Variants in ELAPOR1 observed in about 807,000 individuals in gnomAD.
ELAPOR1 encodes the protein endosome/lysosome-associated apoptosis and autophagy regulator 1.
Under a neutral mutation model 119.7 loss-of-function variants are expected in ELAPOR1, and 77 were observed. The ratio of observed to expected loss-of-function variants is 0.64; its 90% CI spans 0.54 to 0.78. The LOEUF is 0.78. ELAPOR1 is among the 30% of genes least tolerant of loss of function. The pLI is 0.00. For synonymous variants in ELAPOR1, 481 were observed against 487.2 expected (o/e 0.99, Z 0.17); for missense variants, 1,115 against 1,270.4 (o/e 0.88, Z 1.86).
Position 109,194,599 on chromosome 1 carries a change from G to C in ELAPOR1, c.2121+5G>C, listed in dbSNP as rs1030082046. ...CTCAGTCTCTGTGGAAACCAGGTAA[G>C]GTATACCAGTTGACAGGGTGAAAAT... On this transcript the variant is annotated splice_donor_5th_base_variant and intron_variant, in intron 15 of 21. Transcript: ENST00000369939. The C allele has an allele frequency of 1.2e-6, 2 of 1,613,032 alleles. No individual in the cohort carries two copies. The highest frequency in any genetic ancestry group is 2.7e-5 in the African/African-American group (2 of 74,898).
chr1:109,124,302 T>C (rs600091), intron 1 of ELAPOR1, among the ~76,000 whole-genome samples: 17,600 of 151,960 alleles, frequency 0.12, 1,508 homozygotes, highest in African/African-American at 0.24. Context: ...GTCATCATGG[T>C]GCAGTATAAC....
At chr1:109,195,894 C>T (rs146510640) in intron 15 of ELAPOR1, among the ~76,000 whole-genome samples, 3 of 152,328 alleles carry the variant, frequency 2.0e-5, no homozygotes, top group East Asian at 3.9e-4. Context: ...TGGTGGCTCA[C>T]GCCTGTAATC....
chr1:109,200,641 G>A (rs1654110257), intron 20 of ELAPOR1, 94 bp from the exon 21 acceptor site: 1 of 1,201,462 alleles, frequency 8.3e-7, no homozygotes, highest in Non-Finnish European at 1.2e-6. Flanking sequence ...CCATGGCATG[G>A]GAATAGGACC....
At chr1:109,137,700 G>T (rs1488522109) in intron 1 of ELAPOR1, among the ~76,000 whole-genome samples, 1 of 151,010 alleles carries the variant, frequency 6.6e-6, no homozygotes, top group East Asian at 2.0e-4. Context: ...GGCTAATTTT[G>T]TATTTTTAGT....
chr1:109,115,635 AT>A (rs1316851561), intron 1 of ELAPOR1, among the ~76,000 whole-genome samples: 1 of 152,176 alleles, frequency 6.6e-6, no homozygotes, highest in Non-Finnish European at 1.5e-5. Flanking sequence ...TCCATCCCAT[AT>A]GGAGATAAAT....
intron 12 of ELAPOR1, 83 bp downstream of exon 12, chr1:109,191,554 G>T: frequency 7.2e-7 from 1 of 1,391,134 alleles, no homozygotes; most frequent in South Asian, 1.2e-5. Flanking sequence ...CCACGTGACT[G>T]ACACCCCCCC....
chr1:109,199,786 G>A (rs975804251), intron 18 of ELAPOR1, 68 bp from the exon 19 acceptor site: 13 of 1,577,024 alleles, frequency 8.2e-6, no homozygotes, highest in Admixed American at 3.4e-5. Flanking sequence ...TGAGACAACA[G>A]GCTTCCAACC....
intron 8 of ELAPOR1, chr1:109,187,955 G>T: frequency 1.8e-5 from 23 of 1,292,790 alleles, no homozygotes; most frequent in Non-Finnish European, 2.3e-5. Context: ...TGTCACCCAG[G>T]CAACATTCAT....
At chr1:109,165,579 C>T (rs1651540323) in intron 3 of ELAPOR1, among the ~76,000 whole-genome samples, 2 of 147,500 alleles carry the variant, frequency 1.4e-5, no homozygotes, top group South Asian at 4.3e-4. Flanking sequence ...AGTGAAACTC[C>T]GTCTTAAAAA....
intron 1 of ELAPOR1, among the ~76,000 whole-genome samples, chr1:109,138,570 C>CCAGCAGCAGCAGCAGCAGCAGCAGCAG (rs71069652): frequency 8.3e-4 from 126 of 151,178 alleles, no homozygotes; most frequent in South Asian, 2.1e-3. Context: ...TCCCTCCCCA[C>CCAGCAGCAGCAGCAGCAGCAGCAGCAG]CAGCAGCAGC....
chr1:109,169,531 G>A (rs574909781), intron 3 of ELAPOR1, among the ~76,000 whole-genome samples: 1 of 152,262 alleles, frequency 6.6e-6, no homozygotes, highest in African/African-American at 2.4e-5. Context: ...TTACAGGCAT[G>A]AGCCACCACG....
At chr1:109,119,520 A>C (rs1227927875) in intron 1 of ELAPOR1, among the ~76,000 whole-genome samples, 1 of 151,564 alleles carries the variant, frequency 6.6e-6, no homozygotes, top group African/African-American at 2.4e-5. Flanking sequence ...TGTCTCTCTA[A>C]ACAATCTTAT....
intron 1 of ELAPOR1, among the ~76,000 whole-genome samples, chr1:109,144,061 A>ATATATATATATATTTT: frequency 1.2e-4 from 11 of 88,982 alleles, no homozygotes; most frequent in African/African-American, 5.3e-4. Flanking sequence ...ATATTTATAT[A>ATATATATATATATTTT]TTTTTTTTTT....
intron 2 of ELAPOR1, among the ~76,000 whole-genome samples, chr1:109,163,604 G>A (rs1354851657): frequency 6.6e-6 from 1 of 150,774 alleles, no homozygotes; most frequent in Non-Finnish European, 1.5e-5. Context: ...TCACTGTGTT[G>A]CCCAGGTTGG....
chr1:109,190,800 C>T (rs1030464947), intron 11 of ELAPOR1, among the ~76,000 whole-genome samples: 1 of 152,158 alleles, frequency 6.6e-6, no homozygotes, highest in Non-Finnish European at 1.5e-5. Context: ...TAGGACCAAA[C>T]GGAGGACTTT....
At chr1:109,147,381 T>C (rs1324373834) in intron 1 of ELAPOR1, among the ~76,000 whole-genome samples, 1 of 152,114 alleles carries the variant, frequency 6.6e-6, no homozygotes, top group Non-Finnish European at 1.5e-5. Flanking sequence ...CTATATGACA[T>C]TCTAGAAAAG....
chr1:109,175,244 G>C (rs1367672096), intron 7 of ELAPOR1, among the ~76,000 whole-genome samples: 1 of 151,264 alleles, frequency 6.6e-6, no homozygotes. Flanking sequence ...GCCCAAGCTG[G>C]AGTGCTCGAA....
chr1:109,142,562 G>T (rs2101001658), intron 1 of ELAPOR1, among the ~76,000 whole-genome samples: 1 of 152,302 alleles, frequency 6.6e-6, no homozygotes, highest in South Asian at 2.1e-4. Flanking sequence ...TCCACAGCCG[G>T]GCACTGTCCT....
chr1:109,183,678 G>T (rs1482453647), intron 7 of ELAPOR1, among the ~76,000 whole-genome samples: 1 of 137,292 alleles, frequency 7.3e-6, no homozygotes, highest in African/African-American at 2.7e-5. Context: ...GAATGCAATG[G>T]CATGATCATG....
Sources: allele counts gnomAD v4.1 joint callset (sites outside exome capture counted in the v4.1 genomes callset), GRCh38; gene constraint gnomAD v4.1.1; transcripts MANE v1.5; gene names NCBI Gene and HGNC (gene_info 2026-07-23, HGNC 2026-07-21).